The following KCNQ1 variants were observed in gnomAD, a reference collection of about 807,000 sequenced individuals.
KCNQ1 encodes potassium voltage-gated channel subfamily KQT member 1.
In KCNQ1, 49 loss-of-function variants were observed where a neutral mutation model predicts 72.4. The ratio of observed to expected loss-of-function variants is 0.68; its 90% confidence interval spans 0.54 to 0.86. The LOEUF is 0.86. Among genes scored for constraint, KCNQ1 ranks in the 40% least tolerant of loss-of-function variants. The pLI, the probability that KCNQ1 is intolerant of heterozygous loss-of-function variation, is 0.00. For synonymous variants in KCNQ1, 450 were observed against 412.6 expected (o/e 1.09, Z -1.10); for missense variants, 790 against 945.1 (o/e 0.84, Z 2.15).
chr11:2,521,795 C>T (rs1847386527), intron 1 of KCNQ1, among the ~76,000 whole-genome samples: 1 of 152,268 alleles, frequency 6.6e-6, no homozygotes, highest in East Asian at 1.9e-4. Context: ...CCCGGCACAG[C>T]CCCCACCCGG....
At chr11:2,666,784 T>A (rs1850078786) in intron 11 of KCNQ1, 2 of 398,742 alleles carry the variant, frequency 5.0e-6, no homozygotes, top group East Asian at 3.6e-5. Flanking sequence ...CTCACCATAT[T>A]TCTCTCCCTG....
chr11:2,696,380 C>A lies in KCNQ1; in HGVS notation c.1514+34299C>A, dbSNP rs538775773. On this transcript the variant is annotated intron_variant, in intron 11 of 15. Transcript: ENST00000155840. ...GAACAGTCCCCACTGATATGTGGTG[C>A]CACCTTTATCACATGTCCCCTTCCT... The A allele has an allele frequency of 4.3e-5, 17 of 398,636 alleles. No individual in the cohort carries two copies. In the South Asian group the frequency reaches 2.0e-3, roughly 48 times the overall value. The allele number at this position is 398,636 out of a possible 1,614,324, so 24.7% of individuals were successfully genotyped here.
At chr11:2,686,113 G>C (rs932438124) in intron 11 of KCNQ1, 4 of 398,720 alleles carry the variant, frequency 1.0e-5, no homozygotes, top group Non-Finnish European at 1.8e-5. Context: ...GCAAAGTGTA[G>C]GCCTTTGCCC....
At chr11:2,749,538 G>A (rs978538171) in intron 11 of KCNQ1, among the ~76,000 whole-genome samples, 2 of 126,848 alleles carry the variant, frequency 1.6e-5, no homozygotes, top group African/African-American at 5.7e-5. Context: ...GGCCGGGCGT[G>A]CTGCCTCACG....
rs1022721008 is a variant in KCNQ1 at position 2,488,081 on chromosome 11, A to G, written c.387-39847A>G. On this transcript the variant is annotated intron_variant, in intron 1 of 15. Coordinates refer to ENST00000155840, the MANE Select transcript of KCNQ1 (RefSeq NM_000218.3). This position sits in a 1 kb window ranked among gnomAD's most constrained non-coding sequence, Gnocchi z 5.1. ...TGAGAGTTTTTAATAAGGATGTTGA[A>G]TTTTGTCAAATGCTTTTTGTATCAA... Among the ~76,000 whole-genome samples, 1 of 152,066 alleles carries G rather than the reference A, an allele frequency of 6.6e-6. No individual in the cohort carries two copies. Among genetic ancestry groups the G allele is most frequent in the African/African-American group, 2.4e-5 (1 of 41,412 alleles).
rs560762129 is a variant in KCNQ1 at position 2,602,604 on chromosome 11, T to A, written c.1393+13750T>A. ...CTGGCATTTGATGTTCACACTGTTT[T>A]TAATTTTCTCCATTCAGATAGGTGT... On this transcript the variant is annotated intron_variant, in intron 10 of 15. Transcript: ENST00000155840. The surrounding 1 kb of genome is among the most constrained non-coding windows in gnomAD (Gnocchi z 4.8). Among the ~76,000 whole-genome samples the A allele has an allele frequency of 1.3e-5, 2 of 152,334 alleles. No individual in the cohort carries two copies. The highest frequency in any genetic ancestry group is 4.2e-4 in the South Asian group (2 of 4,816).
rs550785594 is a variant in KCNQ1, at chr11:2,544,581, A to C, written c.477+16563A>C. Among the ~76,000 whole-genome samples, 1 of 150,498 alleles carries C rather than the reference A, an allele frequency of 6.6e-6. No homozygotes were observed. The highest frequency in any genetic ancestry group is 2.4e-5 in the African/African-American group (1 of 41,306). On this transcript the variant is annotated intron_variant, in intron 2 of 15. Coordinates refer to ENST00000155840, the MANE Select transcript of KCNQ1 (RefSeq NM_000218.3). The surrounding 1 kb of genome is among the most constrained non-coding windows in gnomAD (Gnocchi z 4.4). ...GTCTTGTACATCTTTTGAGGTACCT[A>C]AGTGTTTCATATTTTTTATGCTATG... is the stretch of plus-strand genomic sequence containing the variant.
In KCNQ1 at chr11:2,505,424, C is replaced by T. The variant is rs182062694; in HGVS notation, c.387-22504C>T. Among the ~76,000 whole-genome samples, 222 of 152,246 alleles carry T rather than the reference C, an allele frequency of 1.5e-3. 1 individual carries two copies. Among genetic ancestry groups the T allele is most frequent in the Middle Eastern group, 6.8e-3 (2 of 294 alleles). ...TCTCCTGGGAACATTTCCACGTGCA[C>T]TTGGGATGCACATGCATGCTGTGGT... On this transcript the variant is annotated intron_variant, in intron 1 of 15. Coordinates refer to ENST00000155840, the MANE Select transcript of KCNQ1 (RefSeq NM_000218.3).
rs1049895001 is a variant in KCNQ1, at chr11:2,550,764, G to A, written c.478-19864G>A. On this transcript the variant is annotated intron_variant, in intron 2 of 15. Transcript: ENST00000155840. The surrounding 1 kb of genome is among the most constrained non-coding windows in gnomAD (Gnocchi z 6.0). ...ACCAGGCTCAGCCCAGGACCAGAGCGCAAATAGGGCTGGAGTCCCGAGTAC... is the reference window on the plus strand; with the variant it reads ...ACCAGGCTCAGCCCAGGACCAGAGCACAAATAGGGCTGGAGTCCCGAGTAC... Among the ~76,000 whole-genome samples, 6 of 152,152 alleles carry A rather than the reference G, an allele frequency of 3.9e-5. No individual in the cohort carries two copies. Among genetic ancestry groups the A allele is most frequent in the East Asian group, 1.9e-4 (1 of 5,190 alleles).
At position 2,683,255 on chromosome 11, in the gene KCNQ1, G is replaced by A. The variant is rs1850428557; in HGVS notation, c.1514+21174G>A. The A allele has an allele frequency of 2.5e-6, 1 of 398,482 alleles. No individual in the cohort carries two copies. The highest frequency in any genetic ancestry group is 2.1e-5 in the African/African-American group (1 of 48,626). 24.7% of individuals were successfully genotyped at this position (398,482 alleles called of 1,614,324 possible). The stretch of plus-strand genomic sequence containing the variant: ...AGAGCAGGAGTCCATGGCACCTCCA[G>A]AACCTGTCAGCCTGAGTATGGGCAA... On this transcript the variant is annotated intron_variant, in intron 11 of 15. Transcript: ENST00000155840. The surrounding 1 kb of genome is among the most constrained non-coding windows in gnomAD (Gnocchi z 4.7).
rs1454428973 is a variant in KCNQ1, at chr11:2,667,196, G to A, written c.1514+5115G>A. On this transcript the variant is annotated intron_variant, in intron 11 of 15. Transcript: ENST00000155840. ...GCCTGCCATCAGCCCAGCTGTGGCG[G>A]CCCCCCGTGGCCCCCTAACCTTTCC... The A allele has an allele frequency of 1.5e-5, 6 of 398,576 alleles. No homozygotes were observed. The East Asian group carries it at 2.1e-4, about 14-fold the overall frequency. 24.7% of individuals were successfully genotyped at this position (398,576 alleles called of 1,614,324 possible). A position where few individuals can be genotyped will look rare whatever the true frequency, so the allele number is the denominator to read the frequency against.
intron 11 of KCNQ1, chr11:2,694,642 CTG>C (rs1850643869): frequency 1.0e-5 from 4 of 398,638 alleles, no homozygotes; most frequent in African/African-American, 2.1e-5. Context: ...CAACAGAAAT[CTG>C]TGACACACCC....
At chr11:2,535,091 C>G (rs1328053644) in intron 2 of KCNQ1, among the ~76,000 whole-genome samples, 4 of 152,216 alleles carry the variant, frequency 2.6e-5, no homozygotes, top group African/African-American at 9.6e-5. Context: ...AGGTCACTGC[C>G]CCATGAGCCT....
chr11:2,650,828 T>A (rs2133842539), intron 10 of KCNQ1: 2 of 398,694 alleles, frequency 5.0e-6, no homozygotes, highest in Non-Finnish European at 8.8e-6. Context: ...TTGCACTTAC[T>A]GATTTTATGC....
intron 11 of KCNQ1, among the ~76,000 whole-genome samples, chr11:2,737,532 A>AT (rs1354045368): frequency 1.3e-5 from 2 of 152,238 alleles, no homozygotes; most frequent in African/African-American, 4.8e-5. Flanking sequence ...TATTAGCTTA[A>AT]TTTTATAGAT....
At position 2,595,850 on chromosome 11, in the gene KCNQ1, C is replaced by A. The variant is rs1848726142; in HGVS notation, c.1393+6996C>A. Among the ~76,000 whole-genome samples the A allele has an allele frequency of 6.6e-6, 1 of 152,048 alleles. No individual in the cohort carries two copies. The highest frequency in any genetic ancestry group is 1.5e-5 in the Non-Finnish European group (1 of 68,010). Reference sequence around the variant, plus strand: ...TAGCGATTGCTTTGATGAATCTGGGCAAAGTAAATTGAAAACATTTTAGAA... The same window carrying A: ...TAGCGATTGCTTTGATGAATCTGGGAAAAGTAAATTGAAAACATTTTAGAA... On this transcript the variant is annotated intron_variant, in intron 10 of 15. Transcript: ENST00000155840. The surrounding 1 kb of genome is among the most constrained non-coding windows in gnomAD (Gnocchi z 5.0).
At chr11:2,594,396 T>A (rs985077528) in intron 10 of KCNQ1, among the ~76,000 whole-genome samples, 1 of 152,214 alleles carries the variant, frequency 6.6e-6, no homozygotes, top group Admixed American at 6.5e-5. Context: ...ACCAAGGTGG[T>A]GCATTATTTT....
chr11:2,525,457 C>T (rs1375432104), intron 1 of KCNQ1, among the ~76,000 whole-genome samples: 5 of 152,210 alleles, frequency 3.3e-5, no homozygotes, highest in Non-Finnish European at 5.9e-5. Flanking sequence ...CAGGGGTGGT[C>T]AGTGTAGGAG....
chr11:2,802,404 G>A (rs913430453), intron 15 of KCNQ1, among the ~76,000 whole-genome samples: 1 of 152,238 alleles, frequency 6.6e-6, no homozygotes, highest in Non-Finnish European at 1.5e-5. Flanking sequence ...GCAGCGGGGA[G>A]CCTGCCCTGG....
Sources: allele counts gnomAD v4.1 joint callset (sites outside exome capture counted in the v4.1 genomes callset), GRCh38; gene constraint gnomAD v4.1.1; non-coding constraint Gnocchi (gnomAD v3.1); transcripts MANE v1.5; gene names NCBI Gene and HGNC (gene_info 2026-07-23, HGNC 2026-07-21).